The following RALGPS1 variants were observed in gnomAD, a reference collection of about 807,000 sequenced individuals.
RALGPS1 encodes Ral GEF with PH domain and SH3 binding motif 1.
In RALGPS1, 19 loss-of-function variants were observed where a neutral mutation model predicts 78.8. That is an observed-to-expected ratio of 0.24 (90% CI 0.17 to 0.35). The LOEUF (loss-of-function observed/expected upper bound fraction) is 0.35. Among genes scored for constraint, RALGPS1 ranks in the 10% least tolerant of loss-of-function variants. The pLI is 1.00. For synonymous variants in RALGPS1, 228 were observed against 256.3 expected (o/e 0.89, Z 1.06); for missense variants, 454 against 688.3 (o/e 0.66, Z 3.81).
intron 9 of RALGPS1, 39 bp downstream of exon 9, chr9:127,166,245 C>A: frequency 6.2e-7 from 1 of 1,606,858 alleles, no homozygotes; most frequent in South Asian, 1.1e-5. Flanking sequence ...AATCTTACGT[C>A]ATTGAAATTT....
chr9:127,054,526 G>A (rs1347676894), intron 7 of RALGPS1, among the ~76,000 whole-genome samples: 2 of 152,196 alleles, frequency 1.3e-5, no homozygotes, highest in Non-Finnish European at 2.9e-5. Flanking sequence ...CAGGCCCATG[G>A]ATGAAGCGAT....
intron 5 of RALGPS1, among the ~76,000 whole-genome samples, chr9:127,043,265 T>G (rs1374517653): frequency 2.6e-5 from 4 of 152,198 alleles, no homozygotes; most frequent in African/African-American, 9.7e-5. Context: ...GCGAAAGAAT[T>G]GGCCCCATAG....
chr9:126,994,543 T>C (rs537245970), intron 4 of RALGPS1, among the ~76,000 whole-genome samples: 2 of 152,232 alleles, frequency 1.3e-5, no homozygotes, highest in African/African-American at 4.8e-5. Context: ...AAAGACCAAA[T>C]CTACGTCTGA....
chr9:127,081,629 A>G (rs1267081060), intron 8 of RALGPS1, among the ~76,000 whole-genome samples: 7 of 152,340 alleles, frequency 4.6e-5, no homozygotes, highest in East Asian at 1.9e-4. Context: ...CACATTAACT[A>G]TCCTTCTAGG....
chr9:126,930,788 CT>C (rs1243589819), intron 1 of RALGPS1, among the ~76,000 whole-genome samples: 7 of 152,140 alleles, frequency 4.6e-5, no homozygotes, highest in Non-Finnish European at 8.8e-5. Flanking sequence ...GTGAAATTGC[CT>C]TTATTTTTCC....
chr9:126,955,099 A>G (rs62578939), intron 1 of RALGPS1, among the ~76,000 whole-genome samples: 57,441 of 152,148 alleles, frequency 0.38, 12,684 homozygotes, highest in Non-Finnish European at 0.48. Context: ...ATCTGTAGAG[A>G]GTCCTTCCTT....
At chr9:126,941,441 G>T (rs2036781433) in intron 1 of RALGPS1, among the ~76,000 whole-genome samples, 1 of 152,032 alleles carries the variant, frequency 6.6e-6, no homozygotes, top group Admixed American at 6.5e-5. Flanking sequence ...ATATGCACCT[G>T]CTGTGTACCT....
At chr9:126,948,720 G>A (rs936251264) in intron 1 of RALGPS1, among the ~76,000 whole-genome samples, 17 of 152,024 alleles carry the variant, frequency 1.1e-4, no homozygotes, top group East Asian at 1.9e-4. Flanking sequence ...TGTTTGTGCC[G>A]GCCCCCAATT....
chr9:127,217,979 A>G (rs1283916490), intron 18 of RALGPS1, among the ~76,000 whole-genome samples: 3 of 152,126 alleles, frequency 2.0e-5, no homozygotes, highest in African/African-American at 7.2e-5. Flanking sequence ...CAGTACTGCT[A>G]ATGACCATTC....
At chr9:127,031,101 C>A (rs2046398602) in intron 4 of RALGPS1, among the ~76,000 whole-genome samples, 1 of 152,192 alleles carries the variant, frequency 6.6e-6, no homozygotes, top group Non-Finnish European at 1.5e-5. Context: ...AGTGGCTCAC[C>A]ACAGACACAG....
chr9:127,187,534 A>G lies in RALGPS1; in HGVS notation c.911-7557A>G, dbSNP rs569021013. 4.5e-4 allele frequency among the ~76,000 whole-genome samples: 68 copies of G among 152,356 alleles called. 2 individuals are homozygous for G. The South Asian group carries it at 0.013, about 29-fold the overall frequency. On this transcript the variant is annotated intron_variant, in intron 11 of 18. Coordinates refer to ENST00000259351, the MANE Select transcript of RALGPS1 (RefSeq NM_014636.3). Reference sequence around the variant, plus strand: ...TACAGAGCATAGCGCTGGGCGCATTACATTAGATTATAATTATCATCATTA... The same window carrying G: ...TACAGAGCATAGCGCTGGGCGCATTGCATTAGATTATAATTATCATCATTA...
intron 4 of RALGPS1, among the ~76,000 whole-genome samples, chr9:127,026,598 G>C (rs1375001302): frequency 6.6e-6 from 1 of 152,202 alleles, no homozygotes; most frequent in Non-Finnish European, 1.5e-5. Context: ...GTCTAAGTAC[G>C]TTAGAGGGGT....
At chr9:127,001,022 C>T (rs967741846) in intron 4 of RALGPS1, among the ~76,000 whole-genome samples, 2 of 151,462 alleles carry the variant, frequency 1.3e-5, no homozygotes, top group Non-Finnish European at 2.9e-5. Context: ...CACCTATAAT[C>T]CCAACACTTT....
intron 1 of RALGPS1, among the ~76,000 whole-genome samples, chr9:126,959,489 T>C (rs2038676173): frequency 6.6e-6 from 1 of 152,124 alleles, no homozygotes; most frequent in African/African-American, 2.4e-5. Flanking sequence ...AAAATGACTA[T>C]CAAATGAGAC....
In RALGPS1 at chr9:127,069,235, A is replaced by G. The variant is rs781369761; in HGVS notation, c.489A>G (p.Leu163=). ...ATATTTTCTTCTCATTCTAGCTTTTAAATCGAAAAGACAAGACTACCTTTG... is the reference window on the plus strand; with the variant it reads ...ATATTTTCTTCTCATTCTAGCTTTTGAATCGAAAAGACAAGACTACCTTTG... The part of the protein sequence containing the change: ...IFRLTKTWAL[L]NRKDKTTFEK... The change falls in exon 8 of 19, where the codon TTA becomes TTG. Residue 163 remains leucine, a synonymous_variant. Coordinates refer to ENST00000259351, the MANE Select transcript of RALGPS1 (RefSeq NM_014636.3). The G allele has an allele frequency of 1.9e-6, 3 of 1,604,822 alleles. No homozygotes were observed. Among genetic ancestry groups the G allele is most frequent in the Admixed American group, 1.7e-5 (1 of 59,576 alleles).
chr9:126,999,172 A>G (rs1233105786), intron 4 of RALGPS1, among the ~76,000 whole-genome samples: 1 of 151,972 alleles, frequency 6.6e-6, no homozygotes, highest in Non-Finnish European at 1.5e-5. Context: ...TATAATAATA[A>G]TAATAATAAT....
At chr9:126,981,974 T>C (rs1418147955) in intron 4 of RALGPS1, among the ~76,000 whole-genome samples, 1 of 152,178 alleles carries the variant, frequency 6.6e-6, no homozygotes, top group East Asian at 1.9e-4. Flanking sequence ...CCAAGGTGGC[T>C]CGTGCACAAT....
At chr9:127,138,315 T>C (rs1435976108) in intron 8 of RALGPS1, among the ~76,000 whole-genome samples, 5 of 152,086 alleles carry the variant, frequency 3.3e-5, no homozygotes, top group African/African-American at 1.2e-4. Context: ...GGCTGCATTG[T>C]CAGTAAGGAA....
intron 2 of RALGPS1, among the ~76,000 whole-genome samples, chr9:126,963,914 T>C (rs1376471409): frequency 6.6e-6 from 1 of 152,176 alleles, no homozygotes; most frequent in Non-Finnish European, 1.5e-5. Context: ...TGTACAGAAT[T>C]GTCTGCTCAG....
Sources: allele counts gnomAD v4.1 joint callset (sites outside exome capture counted in the v4.1 genomes callset), GRCh38; gene constraint gnomAD v4.1.1; transcripts MANE v1.5; gene names NCBI Gene and HGNC (gene_info 2026-07-23, HGNC 2026-07-21).